NLGN2: variants seen among roughly 807,000 people sequenced by gnomAD.
NLGN2 encodes the protein neuroligin-2.
Under a neutral mutation model 48.6 loss-of-function variants are expected in NLGN2, and 11 were observed. The ratio of observed to expected loss-of-function variants is 0.23; its 90% CI spans 0.14 to 0.37. NLGN2 has a LOEUF of 0.37. Ranked by LOEUF, NLGN2 falls within the 10% of genes least tolerant of loss-of-function variation. The probability of loss-of-function intolerance (pLI) is 1.00; values close to 1 mark genes in which losing one functional copy is unlikely to be tolerated. For missense variants in NLGN2, 801 were observed against 1,225.2 expected, an observed-to-expected ratio of 0.65 and a Z score of 5.17; for synonymous variants, 548 against 550.0, an observed-to-expected ratio of 1.00 and a Z score of 0.05.
At chr17:7,409,989 C>G (rs1238282241) in intron 1 of NLGN2, among the ~76,000 whole-genome samples, 2 of 152,076 alleles carry the variant, frequency 1.3e-5, no homozygotes, top group Non-Finnish European at 2.9e-5. Context: ...AACCTGCGCG[C>G]CTGGGCCGTG....
In NLGN2 at chr17:7,408,558, C is replaced by T. The variant is rs765086239; in HGVS notation, c.303C>T (p.Thr101=). The change falls in exon 1 of 7, where the codon ACC becomes ACT. Residue 101 remains threonine, a synonymous_variant. Transcript: ENST00000302926. This position sits in a 1 kb window ranked among gnomAD's most constrained non-coding sequence, Gnocchi z 7.5. ...ASWPGVRNAT[T]LPPACPQNLH... Reference sequence around the variant, plus strand: ...GGCCCGGCGTGCGCAACGCCACCACCCTGCCGCCCGCCTGCCCGCAGAACC... The same window carrying T: ...GGCCCGGCGTGCGCAACGCCACCACTCTGCCGCCCGCCTGCCCGCAGAACC... 10 of 1,551,074 alleles carry T rather than the reference C, an allele frequency of 6.4e-6. No individual in the cohort carries two copies. The South Asian group carries it at 9.4e-5, about 15-fold the overall frequency.
Position 7,417,079 on chromosome 17 carries a change from C to T in NLGN2, c.1788C>T (p.Asn596=), listed in dbSNP as rs763889816. 5.6e-6 allele frequency: 9 copies of T among 1,613,806 alleles called. No homozygotes were observed. Among genetic ancestry groups the T allele is most frequent in the Non-Finnish European group, 7.6e-6 (9 of 1,180,030 alleles). The change falls in exon 7 of 7, where the codon AAC becomes AAT. Residue 596 remains asparagine (N), a synonymous_variant. Coordinates refer to ENST00000302926, the MANE Select transcript of NLGN2 (RefSeq NM_020795.4). Reference sequence around the variant, plus strand: ...GCGTGCGTGACAACTACCGCGCCAACAAGGTGGCCTTCTGGCTGGAGCTCG... The same window carrying T: ...GCGTGCGTGACAACTACCGCGCCAATAAGGTGGCCTTCTGGCTGGAGCTCG... ...KPRVRDNYRA[N]KVAFWLELVP... is the part of the protein sequence containing the mutation.
chr17:7,414,971 C>T lies in NLGN2; in HGVS notation c.860C>T (p.Ala287Val). Residue 287 changes from alanine (A) to valine (V), a missense_variant, in exon 5 of 7, where the codon GCC (alanine) becomes GTC (valine). Around this residue, in one of 5 missense-constraint regions of NLGN2, gnomAD observed 303 missense variants for 600.1 expected, o/e 0.50. Coordinates refer to ENST00000302926, the MANE Select transcript of NLGN2 (RefSeq NM_020795.4). ...SHHSEGLFQKAIAQSGTAISS... is the reference protein window; with the variant it reads ...SHHSEGLFQKVIAQSGTAISS... ...GTCCCGCCAGGGCTGTTCCAGAAGG[C>T]CATCGCCCAGAGTGGCACCGCCATT... 1 of 1,612,464 alleles carries T rather than the reference C, an allele frequency of 6.2e-7. No individual in the cohort carries two copies.
intron 6 of NLGN2, 110 bp from the exon 7 acceptor site, chr17:7,416,815 TG>T: frequency 7.5e-7 from 1 of 1,330,074 alleles, no homozygotes; most frequent in East Asian, 2.5e-5. Flanking sequence ...CTGGCTTTCT[TG>T]CTGTCCCCCT....
Position 7,413,133 on chromosome 17 carries a change from C to T in NLGN2, c.508+926C>T, listed in dbSNP as rs1261562803. ...TGAGGTTCAGGAGCAAAGGAGAGGACAGGATTTGAGGAGAACCCAGCGAGG... is the reference window on the plus strand; with the variant it reads ...TGAGGTTCAGGAGCAAAGGAGAGGATAGGATTTGAGGAGAACCCAGCGAGG... On this transcript the variant is annotated intron_variant, in intron 2 of 6. Coordinates refer to ENST00000302926, the MANE Select transcript of NLGN2 (RefSeq NM_020795.4). This position sits in a 1 kb window ranked among gnomAD's most constrained non-coding sequence, Gnocchi z 4.9. Among the ~76,000 whole-genome samples the T allele has an allele frequency of 6.6e-6, 1 of 152,174 alleles. No homozygotes were observed. The highest frequency in any genetic ancestry group is 1.9e-4 in the East Asian group (1 of 5,192).
At position 7,412,174 on chromosome 17, in the gene NLGN2, CG is replaced by C; in HGVS notation, c.476del (p.Arg159LeufsTer21). Reference sequence around the variant, plus strand: ...GGTCTTAGGTCCGCTCACAAAAAAACGTGACGAGGCGACGCTCAATCCGCCA... The same window carrying C: ...GGTCTTAGGTCCGCTCACAAAAAAACTGACGAGGCGACGCTCAATCCGCCA... ...PTEDGPLTKK[R>X]DEATLNPPDT... On this transcript the variant is annotated frameshift_variant, in exon 2 of 7. Transcript: ENST00000302926. LOFTEE classifies it high-confidence loss of function. 1 of 1,484,966 alleles carries C rather than the reference CG, an allele frequency of 6.7e-7. No individual in the cohort carries two copies. Among genetic ancestry groups the C allele is most frequent in the Non-Finnish European group, 9.1e-7 (1 of 1,100,386 alleles). 92.0% of individuals were successfully genotyped at this position (1,484,966 alleles called of 1,614,324 possible).
At chr17:7,416,851 C>G in intron 6 of NLGN2, 75 bp from the exon 7 acceptor site, 1 of 1,558,662 alleles carries the variant, frequency 6.4e-7, no homozygotes, top group Non-Finnish European at 8.7e-7. Flanking sequence ...CTGTCTGTCT[C>G]CCTGCCCACT....
intron 2 of NLGN2, among the ~76,000 whole-genome samples, chr17:7,412,616 T>C (rs1383854575): frequency 1.3e-5 from 2 of 151,880 alleles, no homozygotes; most frequent in African/African-American, 4.8e-5. Flanking sequence ...TCAAAAAAAA[T>C]TTAAAAGTTG....
chr17:7,418,339 C>A lies in NLGN2; in HGVS notation c.*540C>A, dbSNP rs1351815169. The A allele has an allele frequency of 1.3e-5, 2 of 152,376 alleles. No homozygotes were observed. The highest frequency in any genetic ancestry group is 3.9e-4 in the East Asian group (2 of 5,166). The allele number at this position is 152,376 out of a possible 1,614,324, so 9.4% of individuals were successfully genotyped here. ...TGGGAAGCAGCGAGGAAATCACAGC[C>A]CCCTCGCCCCTGCCTCCCTTGCCCC... On this transcript the variant is annotated 3_prime_UTR_variant, in exon 7 of 7. Coordinates refer to ENST00000302926, the MANE Select transcript of NLGN2 (RefSeq NM_020795.4).
In NLGN2 at chr17:7,417,574, G is replaced by A; in HGVS notation, c.2283G>A (p.Leu761=). The part of the protein sequence containing the change: ...GGVGADPAEA[L]RPACPPDYTL... ...TCGGGGCGGACCCTGCCGAGGCTCT[G>A]CGCCCTGCCTGCCCGCCCGACTACA... The change falls in exon 7 of 7, where the codon CTG becomes CTA. Residue 761 remains leucine, a synonymous_variant. Coordinates refer to ENST00000302926, the MANE Select transcript of NLGN2 (RefSeq NM_020795.4). 2 of 1,435,930 alleles carry A rather than the reference G, an allele frequency of 1.4e-6. No homozygotes were observed. Among genetic ancestry groups the A allele is most frequent in the Non-Finnish European group, 1.8e-6 (2 of 1,102,462 alleles). 88.9% of individuals were successfully genotyped at this position (1,435,930 alleles called of 1,614,324 possible).
chr17:7,417,529 G>A lies in NLGN2; in HGVS notation c.2238G>A (p.Gln746=). The A allele has an allele frequency of 6.7e-7, 1 of 1,486,840 alleles. No individual in the cohort carries two copies. Among genetic ancestry groups the A allele is most frequent in the East Asian group, 2.5e-5 (1 of 39,690 alleles). 92.1% of individuals were successfully genotyped at this position (1,486,840 alleles called of 1,614,324 possible). A position where few individuals can be genotyped will look rare whatever the true frequency, so the allele number is the denominator to read the frequency against. ...CAGAGGAGGAGCTGGTGTCACTGCAGCTGAAGCGGGGTGGTGGCGTCGGGG... is the reference window on the plus strand; with the variant it reads ...CAGAGGAGGAGCTGGTGTCACTGCAACTGAAGCGGGGTGGTGGCGTCGGGG... ...LPPEEELVSL[Q]LKRGGGVGAD... The change falls in exon 7 of 7, where the codon CAG becomes CAA. Residue 746 remains glutamine (Q), a synonymous_variant. Coordinates refer to ENST00000302926, the MANE Select transcript of NLGN2 (RefSeq NM_020795.4).
At chr17:7,416,823 C>T (rs3752031) in intron 6 of NLGN2, 103 bp from the exon 7 acceptor site, 459,692 of 1,384,196 alleles carry the variant, frequency 0.33, 85,436 homozygotes, top group East Asian at 0.78. Flanking sequence ...CTTGCTGTCC[C>T]CCTGTCTCTC....
chr17:7,404,782 A>AGGGC (rs1334567906), upstream of NLGN2: 2 of 151,682 alleles, frequency 1.3e-5, no homozygotes, highest in Non-Finnish European at 2.9e-5. Flanking sequence ...CATTCTCCGG[A>AGGGC]GGGCGGGCGG....
chr17:7,416,195 C>A, intron 6 of NLGN2, 88 bp downstream of exon 6: 1 of 1,109,148 alleles, frequency 9.0e-7, no homozygotes, highest in Non-Finnish European at 1.4e-6. Context: ...CTCACTCTGG[C>A]CTGCCCTCTT....
upstream of NLGN2, among the ~76,000 whole-genome samples, chr17:7,406,153 A>G (rs1906627423): frequency 6.6e-6 from 1 of 152,144 alleles, no homozygotes; most frequent in African/African-American, 2.4e-5. Flanking sequence ...AGAGAGATAC[A>G]GAAGAGAAAG....
rs1382179487 is a variant in NLGN2 at position 7,413,358 on chromosome 17, G to T, written c.509-986G>T. Among the ~76,000 whole-genome samples the T allele has an allele frequency of 6.6e-6, 1 of 152,198 alleles. No individual in the cohort carries two copies. The highest frequency in any genetic ancestry group is 1.5e-5 in the Non-Finnish European group (1 of 68,042). ...GAGATGCTGGGGACCAGCTGTGGAGGCCCAGGCCTGGCTTTGGTTTGCTGA... is the reference window on the plus strand; with the variant it reads ...GAGATGCTGGGGACCAGCTGTGGAGTCCCAGGCCTGGCTTTGGTTTGCTGA... On this transcript the variant is annotated intron_variant, in intron 2 of 6. Transcript: ENST00000302926. The surrounding 1 kb of genome is among the most constrained non-coding windows in gnomAD (Gnocchi z 4.9).
Position 7,414,678 on chromosome 17 carries a change from G to A in NLGN2, c.674G>A (p.Gly225Glu). The A allele has an allele frequency of 6.2e-7, 1 of 1,614,076 alleles. No individual in the cohort carries two copies. Among genetic ancestry groups the A allele is most frequent in the East Asian group, 2.2e-5 (1 of 44,872 alleles). Reference protein sequence around the residue: ...RLGVLGFLSTGDQAAKGNYGL... With the variant: ...RLGVLGFLSTEDQAAKGNYGL... ...CTACTCCCAGGTTTTCTCAGCACCG[G>A]GGACCAGGCTGCAAAAGGCAACTAT... The change falls in exon 4 of 7, where the codon GGG becomes GAG. Residue 225 changes from glycine (G) to glutamate (E), a missense_variant. By Grantham distance (98) the Gly-to-Glu change is moderately conservative. This residue lies in a region of NLGN2 where 303 missense variants were observed against 600.1 expected (regional missense o/e 0.50). Transcript: ENST00000302926.
rs1907274398 is a variant in NLGN2 at position 7,419,031 on chromosome 17, C to G, written c.*1232C>G. The G allele has an allele frequency of 1.3e-5, 2 of 152,358 alleles. No individual in the cohort carries two copies. Among genetic ancestry groups the G allele is most frequent in the African/African-American group, 4.8e-5 (2 of 41,452 alleles). The allele number at this position is 152,358 out of a possible 1,614,324, so 9.4% of individuals were successfully genotyped here. A position where few individuals can be genotyped will look rare whatever the true frequency, so the allele number is the denominator to read the frequency against. Reference sequence around the variant, plus strand: ...TGCCCCTTCTCCTCACCATGTCTCCCCCACCCTGCCTCAGTTCTCCGTTCC... The same window carrying G: ...TGCCCCTTCTCCTCACCATGTCTCCGCCACCCTGCCTCAGTTCTCCGTTCC... On this transcript the variant is annotated 3_prime_UTR_variant, in exon 7 of 7. Coordinates refer to ENST00000302926, the MANE Select transcript of NLGN2 (RefSeq NM_020795.4).
Position 7,417,766 on chromosome 17 carries a change from G to C in NLGN2, c.2475G>C (p.Thr825=). Residue 825 remains threonine (T), a synonymous_variant, in exon 7 of 7, where the codon ACG becomes ACC. Transcript: ENST00000302926. ...PPPTATSHNN[T]LPHPHSTTRV Reference sequence around the variant, plus strand: ...CCACCGCCACCAGCCACAACAACACGCTACCCCACCCCCACTCCACCACTC... The same window carrying C: ...CCACCGCCACCAGCCACAACAACACCCTACCCCACCCCCACTCCACCACTC... 1 of 1,258,026 alleles carries C rather than the reference G, an allele frequency of 7.9e-7. No homozygotes were observed. Among genetic ancestry groups the C allele is most frequent in the Non-Finnish European group, 1.0e-6 (1 of 972,954 alleles). The allele number at this position is 1,258,026 out of a possible 1,614,324, so 77.9% of individuals were successfully genotyped here. A position where few individuals can be genotyped will look rare whatever the true frequency, so the allele number is the denominator to read the frequency against.
Sources: allele counts gnomAD v4.1 joint callset (sites outside exome capture counted in the v4.1 genomes callset), GRCh38; gene constraint gnomAD v4.1.1; regional missense constraint gnomAD v4.1.1; non-coding constraint Gnocchi (gnomAD v3.1); transcripts MANE v1.5; gene names NCBI Gene and HGNC (gene_info 2026-07-23, HGNC 2026-07-21).